CREB5: variants seen among roughly 807,000 people sequenced by gnomAD.
CREB5 encodes the protein cyclic AMP-responsive element-binding protein 5.
In CREB5, 19 loss-of-function variants were observed where a neutral mutation model predicts 57.1. The observed-to-expected ratio is 0.33, with a 90% CI of 0.23 to 0.49. The LOEUF is 0.49. CREB5 is among the 20% of genes least tolerant of loss of function. The pLI, the probability that CREB5 is intolerant of heterozygous loss-of-function variation, is 0.99. For missense variants in CREB5, 579 were observed against 671.6 expected (o/e 0.86, Z 1.52); for synonymous variants, 238 against 238.3 (o/e 1.00, Z 0.01).
At chr7:28,500,658 TC>T (rs1277529796) in intron 3 of CREB5, among the ~76,000 whole-genome samples, 3 of 152,314 alleles carry the variant, frequency 2.0e-5, no homozygotes, top group Admixed American at 6.5e-5. Flanking sequence ...CTAATCATGA[TC>T]ATCCAATCAC....
chr7:28,324,429 T>C (rs1785545390), intron 1 of CREB5, among the ~76,000 whole-genome samples: 1 of 152,188 alleles, frequency 6.6e-6, no homozygotes, highest in African/African-American at 2.4e-5. Flanking sequence ...CCAGTGGTTT[T>C]ACTTTATATA....
intron 5 of CREB5, among the ~76,000 whole-genome samples, chr7:28,658,979 A>ATGTGTATATATATATATATATATGTGTG (rs1799477095): frequency 1.1e-5 from 1 of 90,558 alleles, no homozygotes; most frequent in African/African-American, 3.3e-5. Context: ...ATATATATAT[A>ATGTGTATATATATATATATATATGTGTG]TGTATATATA....
At chr7:28,512,189 T>C (rs1042436883) in intron 4 of CREB5, among the ~76,000 whole-genome samples, 1 of 152,112 alleles carries the variant, frequency 6.6e-6, no homozygotes, top group African/African-American at 2.4e-5. Flanking sequence ...GATGGATATA[T>C]AGGTTTGGAA....
chr7:28,397,475 T>C (rs1787362032), intron 1 of CREB5, among the ~76,000 whole-genome samples: 1 of 152,142 alleles, frequency 6.6e-6, no homozygotes, highest in South Asian at 2.1e-4. Context: ...CCCTCCAGAT[T>C]GTGGGGGTAT....
Position 28,822,022 on chromosome 7 carries a change from G to C in CREB5, c.*2743G>C, listed in dbSNP as rs1809797407. 6.6e-6 allele frequency: 1 copy of C among 152,594 alleles called. No individual in the cohort carries two copies. Among genetic ancestry groups the C allele is most frequent in the African/African-American group, 2.4e-5 (1 of 41,470 alleles). The allele number at this position is 152,594 out of a possible 1,614,324, so 9.5% of individuals were successfully genotyped here. On this transcript the variant is annotated 3_prime_UTR_variant, in exon 11 of 11. Coordinates refer to ENST00000357727, the MANE Select transcript of CREB5 (RefSeq NM_182898.4). The stretch of plus-strand genomic sequence containing the variant: ...TTAGGCTGAAAGCCTCGGCAGTTAA[G>C]AACTTGCCTGAGTTTTCTTCGTTCA...
chr7:28,699,380 T>A (rs1801731930), intron 5 of CREB5, among the ~76,000 whole-genome samples: 2 of 152,230 alleles, frequency 1.3e-5, no homozygotes, highest in African/African-American at 4.8e-5. Flanking sequence ...GTTTTAATTC[T>A]ATGCTGGAAG....
chr7:28,617,143 T>C (rs1797623807), intron 5 of CREB5, among the ~76,000 whole-genome samples: 1 of 152,238 alleles, frequency 6.6e-6, no homozygotes, highest in African/African-American at 2.4e-5. Context: ...GGAAAGTCTG[T>C]TTGCTATGCA....
At chr7:28,459,008 T>C (rs933240559) in intron 1 of CREB5, among the ~76,000 whole-genome samples, 1 of 152,170 alleles carries the variant, frequency 6.6e-6, no homozygotes, top group Non-Finnish European at 1.5e-5. Flanking sequence ...GTTGTGCAGA[T>C]CTGATGACAG....
chr7:28,445,159 C>G (rs567335635), intron 1 of CREB5, among the ~76,000 whole-genome samples: 1 of 152,338 alleles, frequency 6.6e-6, no homozygotes, highest in East Asian at 1.9e-4. Context: ...CCTTCACTTT[C>G]TGCCATGATT....
chr7:28,449,073 A>G (rs912240407), intron 1 of CREB5, among the ~76,000 whole-genome samples: 1 of 150,806 alleles, frequency 6.6e-6, no homozygotes, highest in Non-Finnish European at 1.5e-5. Context: ...TATTTTGTTC[A>G]AGTTTCTTCT....
At chr7:28,451,480 GTGTGTGTGTGTGTT>G (rs1477611249) in intron 1 of CREB5, among the ~76,000 whole-genome samples, 2 of 151,024 alleles carry the variant, frequency 1.3e-5, no homozygotes, top group Admixed American at 1.3e-4. Flanking sequence ...GTGTGTGTGT[GTGTGTGTGTGTGTT>G]TGTCTATATC....
intron 5 of CREB5, among the ~76,000 whole-genome samples, chr7:28,651,918 A>T (rs1799143498): frequency 6.6e-6 from 1 of 152,188 alleles, no homozygotes; most frequent in African/African-American, 2.4e-5. Context: ...GCTGAATTCC[A>T]GTTCTGGCTC....
chr7:28,307,961 C>T (rs980817871), intron 1 of CREB5, among the ~76,000 whole-genome samples: 10 of 152,290 alleles, frequency 6.6e-5, no homozygotes, highest in East Asian at 3.9e-4. Context: ...AGCAGGGCAG[C>T]GCCCAAGGAG....
chr7:28,318,534 C>T (rs1785421569), intron 1 of CREB5, among the ~76,000 whole-genome samples: 1 of 152,228 alleles, frequency 6.6e-6, no homozygotes, highest in Non-Finnish European at 1.5e-5. Context: ...TAACAATACA[C>T]ATATTTCCAA....
intron 1 of CREB5, among the ~76,000 whole-genome samples, chr7:28,322,179 G>C (rs1785505398): frequency 6.6e-6 from 1 of 152,220 alleles, no homozygotes; most frequent in East Asian, 1.9e-4. Flanking sequence ...TGTTACTTGA[G>C]AAAAGGGTTC....
At chr7:28,493,501 G>A (rs1044287343) in intron 2 of CREB5, among the ~76,000 whole-genome samples, 1 of 152,178 alleles carries the variant, frequency 6.6e-6, no homozygotes, top group Non-Finnish European at 1.5e-5. Context: ...ATTCAGAAAT[G>A]CTTTTCATAA....
intron 5 of CREB5, among the ~76,000 whole-genome samples, chr7:28,634,473 C>T (rs924668896): frequency 2.6e-4 from 40 of 152,112 alleles, no homozygotes; most frequent in African/African-American, 9.7e-4. Flanking sequence ...TTATGATGAG[C>T]TGCATATCAT....
intron 4 of CREB5, among the ~76,000 whole-genome samples, chr7:28,541,963 C>G (rs1794228171): frequency 6.6e-6 from 1 of 152,142 alleles, no homozygotes. Context: ...ATCCATGATT[C>G]TTAAATTCCT....
intron 1 of CREB5, among the ~76,000 whole-genome samples, chr7:28,369,324 T>C (rs6953524): frequency 0.33 from 50,872 of 151,980 alleles, 8,788 homozygotes; most frequent in East Asian, 0.52. Context: ...GGTAACCACT[T>C]GCAGCTCACC....
Sources: gnomAD v4.1 joint callset for allele counts (sites outside exome capture counted in the v4.1 genomes callset) on GRCh38, gnomAD v4.1.1 for gene constraint, MANE v1.5 for transcripts, NCBI Gene and HGNC (gene_info 2026-07-23, HGNC 2026-07-21) for gene names.